SNTG1: variants seen among roughly 807,000 people sequenced by gnomAD.
SNTG1 encodes syntrophin gamma 1, also known as gamma-1-syntrophin.
SNTG1 carries 39 observed loss-of-function variants against 74.7 expected under a neutral mutation model. The ratio of observed to expected loss-of-function variants is 0.52; its 90% confidence interval spans 0.40 to 0.68. The LOEUF (loss-of-function observed/expected upper bound fraction) is 0.68, where lower values mean the gene tolerates loss of function less well. Ranked by LOEUF, SNTG1 falls within the 30% of genes least tolerant of loss-of-function variation. The pLI, the probability that SNTG1 is intolerant of heterozygous loss-of-function variation, is 0.00. For synonymous variants in SNTG1, 254 were observed against 217.1 expected (o/e 1.17, Z -1.49); for missense variants, 685 against 609.5 (o/e 1.12, Z -1.30).
chr8:50,097,651 CAA>C (rs1160437265), intron 1 of SNTG1, among the ~76,000 whole-genome samples: 1 of 117,096 alleles, frequency 8.5e-6, no homozygotes. Flanking sequence ...GACTCCGTCT[CAA>C]AAAAAAAAAC....
At chr8:49,967,617 A>G (rs1811267192) in intron 1 of SNTG1, among the ~76,000 whole-genome samples, 1 of 152,164 alleles carries the variant, frequency 6.6e-6, no homozygotes, top group Admixed American at 6.5e-5. Flanking sequence ...AGTAAATATA[A>G]TTTTTAGCCT....
intron 15 of SNTG1, among the ~76,000 whole-genome samples, chr8:50,693,504 A>G (rs1195550675): frequency 1.3e-5 from 2 of 152,200 alleles, no homozygotes; most frequent in African/African-American, 4.8e-5. Context: ...ACCTGAAAAG[A>G]GAAATGAATT....
intron 1 of SNTG1, among the ~76,000 whole-genome samples, chr8:50,005,743 G>C (rs576433399): frequency 1.3e-5 from 2 of 151,938 alleles, no homozygotes; most frequent in Non-Finnish European, 2.9e-5. Flanking sequence ...AATTAGATTT[G>C]CTGATGTGAA....
At chr8:50,176,279 C>A (rs2082997445) in intron 2 of SNTG1, among the ~76,000 whole-genome samples, 1 of 152,186 alleles carries the variant, frequency 6.6e-6, no homozygotes, top group Non-Finnish European at 1.5e-5. Flanking sequence ...CCACCAGAAT[C>A]ATTGTTCAAG....
intron 2 of SNTG1, among the ~76,000 whole-genome samples, chr8:50,254,236 T>G (rs2086776493): frequency 6.6e-6 from 1 of 152,182 alleles, no homozygotes; most frequent in African/African-American, 2.4e-5. Context: ...ATTGGAACCA[T>G]GAAGATGAAA....
intron 1 of SNTG1, among the ~76,000 whole-genome samples, chr8:49,991,725 A>T (rs1813709608): frequency 6.6e-6 from 1 of 152,192 alleles, no homozygotes; most frequent in African/African-American, 2.4e-5. Flanking sequence ...ATATGTTGTG[A>T]TTCCATTTAT....
In SNTG1 at chr8:50,125,537, A is replaced by G. The variant is rs531522032; in HGVS notation, c.-102-47024A>G. 5.6e-5 allele frequency among the ~76,000 whole-genome samples: 8 copies of G among 142,366 alleles called. 1 individual carries two copies. The East Asian group carries it at 1.2e-3, about 22-fold the overall frequency. 93.4% of individuals were successfully genotyped at this position (142,366 alleles called of 152,430 possible). On this transcript the variant is annotated intron_variant, in intron 1 of 18. Coordinates refer to ENST00000642720, the MANE Select transcript of SNTG1 (RefSeq NM_018967.5). ...GTAAGTTTAAATATGTAGTATTAGAACATGATTTTTTTAATAAGCACATAA... is the reference window on the plus strand; with the variant it reads ...GTAAGTTTAAATATGTAGTATTAGAGCATGATTTTTTTAATAAGCACATAA...
intron 1 of SNTG1, among the ~76,000 whole-genome samples, chr8:50,023,704 T>A (rs1257740229): frequency 1.3e-5 from 2 of 152,176 alleles, no homozygotes; most frequent in African/African-American, 2.4e-5. Context: ...TTTCAAAGAC[T>A]CCTGCTGCCC....
chr8:50,637,420 T>A (rs2095046148), intron 13 of SNTG1, among the ~76,000 whole-genome samples: 1 of 152,082 alleles, frequency 6.6e-6, no homozygotes, highest in African/African-American at 2.4e-5. Context: ...TATGATAAAA[T>A]TTGAAGGTTC....
intron 9 of SNTG1, among the ~76,000 whole-genome samples, chr8:50,513,320 G>A (rs1275697159): frequency 2.0e-5 from 3 of 152,168 alleles, no homozygotes; most frequent in Non-Finnish European, 2.9e-5. Flanking sequence ...GTGTCAGTCT[G>A]CCCCTACTGG....
intron 1 of SNTG1, among the ~76,000 whole-genome samples, chr8:50,075,798 C>G (rs1229329512): frequency 6.6e-6 from 1 of 152,116 alleles, no homozygotes; most frequent in African/African-American, 2.4e-5. Flanking sequence ...GACGCGCCGC[C>G]TTAAGAGCTA....
intron 18 of SNTG1, among the ~76,000 whole-genome samples, chr8:50,770,907 G>T (rs1056294611): frequency 6.6e-6 from 1 of 152,078 alleles, no homozygotes. Context: ...CTGCCATGAG[G>T]TCAAGCAACC....
intron 2 of SNTG1, among the ~76,000 whole-genome samples, chr8:50,372,286 AT>A (rs939723085): frequency 2.0e-5 from 3 of 149,926 alleles, no homozygotes; most frequent in East Asian, 2.0e-4. Flanking sequence ...TTCTATAGTT[AT>A]TTTTTTTCGG....
intron 13 of SNTG1, among the ~76,000 whole-genome samples, chr8:50,639,481 A>G (rs967514002): frequency 3.9e-5 from 6 of 152,038 alleles, no homozygotes; most frequent in East Asian, 1.9e-4. Flanking sequence ...AATTAAAAAG[A>G]ACTATAAGAA....
chr8:49,964,669 C>T (rs1810987474), intron 1 of SNTG1, among the ~76,000 whole-genome samples: 2 of 152,150 alleles, frequency 1.3e-5, no homozygotes, highest in African/African-American at 2.4e-5. Flanking sequence ...TCACTTTCAC[C>T]TTGTTTAGGC....
rs147335854 is a variant in SNTG1, at chr8:50,216,323, C to A, written c.-28+43688C>A. ...CATGTGTTTTTATCTCTTTGTTTCACATGTTGTCTTTTACTCAACTTCTTT... is the reference window on the plus strand; with the variant it reads ...CATGTGTTTTTATCTCTTTGTTTCAAATGTTGTCTTTTACTCAACTTCTTT... On this transcript the variant is annotated intron_variant, in intron 2 of 18. Coordinates refer to ENST00000642720, the MANE Select transcript of SNTG1 (RefSeq NM_018967.5). 7.0e-3 allele frequency among the ~76,000 whole-genome samples: 1,071 copies of A among 152,296 alleles called. 36 individuals are homozygous for A. The highest frequency in any genetic ancestry group is 0.057 in the Admixed American group (868 of 15,280).
intron 1 of SNTG1, among the ~76,000 whole-genome samples, chr8:50,044,509 T>G (rs1818911621): frequency 2.0e-5 from 3 of 152,230 alleles, no homozygotes; most frequent in Admixed American, 6.5e-5. Flanking sequence ...TTGATCATTC[T>G]CTACTGGGGC....
intron 1 of SNTG1, among the ~76,000 whole-genome samples, chr8:50,150,671 G>T: frequency 6.6e-6 from 1 of 152,086 alleles, no homozygotes; most frequent in East Asian, 1.9e-4. Context: ...TTTGTCTTTG[G>T]TTCTGTTTAT....
intron 13 of SNTG1, among the ~76,000 whole-genome samples, chr8:50,616,831 C>T (rs907701213): frequency 1.3e-5 from 2 of 152,206 alleles, no homozygotes; most frequent in East Asian, 1.9e-4. Flanking sequence ...AAATACCCTG[C>T]CTTCTGCATA....
Sources: gnomAD v4.1 joint callset for allele counts (sites outside exome capture counted in the v4.1 genomes callset) on GRCh38, gnomAD v4.1.1 for gene constraint, MANE v1.5 for transcripts, NCBI Gene and HGNC (gene_info 2026-07-23, HGNC 2026-07-21) for gene names.